SDC3: variants seen among roughly 807,000 people sequenced by gnomAD.
The protein encoded by SDC3 is syndecan 3.
A neutral mutation model predicts 24.4 loss-of-function variants in SDC3; 13 were observed. The observed-to-expected ratio is 0.53, with a 90% CI of 0.35 to 0.85. The LOEUF (loss-of-function observed/expected upper bound fraction) is 0.85. Ranked by LOEUF, SDC3 falls within the 40% of genes least tolerant of loss-of-function variation. SDC3 has a pLI of 0.01. For missense variants in SDC3, 571 were observed against 584.5 expected, an observed-to-expected ratio of 0.98 and a Z score of 0.24; for synonymous variants, 295 against 260.9, an observed-to-expected ratio of 1.13 and a Z score of -1.26.
intron 1 of SDC3, among the ~76,000 whole-genome samples, chr1:30,896,091 T>G (rs533177229): frequency 6.6e-6 from 1 of 152,144 alleles, no homozygotes; most frequent in Non-Finnish European, 1.5e-5. Flanking sequence ...CACTTTCCTC[T>G]TCTCCCAGTC....
At chr1:30,884,045 C>A (rs551519593) in intron 1 of SDC3, among the ~76,000 whole-genome samples, 1 of 152,260 alleles carries the variant, frequency 6.6e-6, no homozygotes, top group Admixed American at 6.5e-5. Context: ...AAGGGGGCTG[C>A]ACAATTGGGA....
At chr1:30,908,408 C>T in intron 1 of SDC3, 41 bp downstream of exon 1, 1 of 1,008,240 alleles carries the variant, frequency 9.9e-7, no homozygotes, top group Middle Eastern at 4.9e-4. Context: ...GGGGGGCGGC[C>T]CCGGGGAGCC....
At chr1:30,892,605 C>T (rs937083080) in intron 1 of SDC3, among the ~76,000 whole-genome samples, 1 of 152,194 alleles carries the variant, frequency 6.6e-6, no homozygotes, top group Non-Finnish European at 1.5e-5. Context: ...TCTTGTTCCC[C>T]AAACCCAGGA....
At chr1:30,904,430 G>T (rs991542657) in intron 1 of SDC3, among the ~76,000 whole-genome samples, 5 of 151,934 alleles carry the variant, frequency 3.3e-5, no homozygotes, top group Non-Finnish European at 7.4e-5. Flanking sequence ...GGGACCCTAT[G>T]CCCGCTTGTA....
At chr1:30,880,732 G>T (rs1285506914) in intron 1 of SDC3, 1 of 152,098 alleles carries the variant, frequency 6.6e-6, no homozygotes, top group African/African-American at 2.4e-5. Flanking sequence ...AGGGGACAGA[G>T]AAATAGGGGT....
At chr1:30,898,406 C>T (rs1638329234) in intron 1 of SDC3, among the ~76,000 whole-genome samples, 1 of 152,180 alleles carries the variant, frequency 6.6e-6, no homozygotes, top group Non-Finnish European at 1.5e-5. Context: ...TTCCTAATGT[C>T]AGGGACCAAG....
intron 1 of SDC3, among the ~76,000 whole-genome samples, chr1:30,903,828 T>C (rs1216221199): frequency 1.3e-5 from 2 of 152,252 alleles, no homozygotes; most frequent in African/African-American, 4.8e-5. Context: ...CCCAGTCCCA[T>C]TAGCCTGTCA....
Position 30,869,572 on chromosome 1 carries a change from A to C in SDC3, c.*3639T>G, listed in dbSNP as rs949844844. 2.5e-6 allele frequency: 1 copy of C among 397,032 alleles called. No homozygotes were observed. The highest frequency in any genetic ancestry group is 2.1e-5 in the African/African-American group (1 of 48,166). The allele number at this position is 397,032 out of a possible 1,614,324, so 24.6% of individuals were successfully genotyped here. ...AAAAAAAAAAAAAAACAAAAACAAA[A>C]CCAGTTCCTTCACAAGGCTGGAACA... On this transcript the variant is annotated 3_prime_UTR_variant, in exon 5 of 5. Transcript: ENST00000339394.
At chr1:30,880,988 T>C (rs1423731735) in intron 1 of SDC3, among the ~76,000 whole-genome samples, 1 of 137,432 alleles carries the variant, frequency 7.3e-6, no homozygotes, top group Non-Finnish European at 1.6e-5. Flanking sequence ...CCATGCCTGA[T>C]AGGAGGCTTC....
In SDC3 at chr1:30,878,384, C is replaced by T. The variant is rs556667717; in HGVS notation, c.256+239G>A. The T allele has an allele frequency of 2.8e-4, 130 of 466,064 alleles. 1 individual carries two copies. The highest frequency in any genetic ancestry group is 1.1e-3 in the Middle Eastern group (2 of 1,794). The allele number at this position is 466,064 out of a possible 1,614,324, so 28.9% of individuals were successfully genotyped here. A position where few individuals can be genotyped will look rare whatever the true frequency, so the allele number is the denominator to read the frequency against. ...CACATAGCACACACAAAGATGCAGA[C>T]GTGGGACCCTGGAGACCTGGACATT... On this transcript the variant is annotated intron_variant, in intron 2 of 4. Coordinates refer to ENST00000339394, the MANE Select transcript of SDC3 (RefSeq NM_014654.4).
upstream of SDC3, among the ~76,000 whole-genome samples, chr1:30,909,178 C>A (rs1011352390): frequency 6.6e-6 from 1 of 152,220 alleles, no homozygotes; most frequent in African/African-American, 2.4e-5. Flanking sequence ...GGACTCCCAT[C>A]GTCACCCTCA....
rs748470737 is a variant in SDC3 at position 30,876,951 on chromosome 1, G to A, written c.471C>T (p.Thr157=). The change falls in exon 3 of 5, where the codon ACC becomes ACT. Residue 157 remains threonine, a synonymous_variant. Transcript: ENST00000339394. ...TGGTAGCCATGGTAGTGGAGACGGTGGTGGCTCTCTGGCTGGGCTCTTCCG... is the reference window on the plus strand; with the variant it reads ...TGGTAGCCATGGTAGTGGAGACGGTAGTGGCTCTCTGGCTGGGCTCTTCCG... ...EVPEEPSQRA[T]TVSTTMATTA... 1 of 1,613,806 alleles carries A rather than the reference G, an allele frequency of 6.2e-7. No homozygotes were observed. Among genetic ancestry groups the A allele is most frequent in the Admixed American group, 1.7e-5 (1 of 60,024 alleles).
At chr1:30,894,650 G>GC (rs1639973424) in intron 1 of SDC3, among the ~76,000 whole-genome samples, 9 of 29,380 alleles carry the variant, frequency 3.1e-4, no homozygotes, top group Non-Finnish European at 4.6e-4. Context: ...TGTGTGTGGG[G>GC]TGTGTGTGGG....
At chr1:30,883,873 T>C (rs1459316829) in intron 1 of SDC3, among the ~76,000 whole-genome samples, 1 of 151,302 alleles carries the variant, frequency 6.6e-6, no homozygotes, top group Non-Finnish European at 1.5e-5. Context: ...GGAGGGAGGG[T>C]GTCTCAGCAT....
At chr1:30,908,022 G>T (rs1638562611) in intron 1 of SDC3, among the ~76,000 whole-genome samples, 1 of 152,182 alleles carries the variant, frequency 6.6e-6, no homozygotes. Flanking sequence ...CCAGCCCGCC[G>T]CCGGGTCCTT....
rs41269521 is a variant in SDC3 at position 30,876,795 on chromosome 1, C to T, written c.627G>A (p.Arg209=). Residue 209 remains arginine, a synonymous_variant, in exon 3 of 5, where the codon CGG becomes CGA. Coordinates refer to ENST00000339394, the MANE Select transcript of SDC3 (RefSeq NM_014654.4). ...TGGTCAGTGGGAGAGGCAGAAGCCT[C>T]CGTACGCCAGTGGTCCTTATAACAG... ...TTAVIRTTGV[R]RLLPLPLTTV... 56,254 of 1,598,864 alleles carry T rather than the reference C, an allele frequency of 0.035. 1,186 individuals carry two copies. Among genetic ancestry groups the T allele is most frequent in the Middle Eastern group, 0.047 (277 of 5,950 alleles).
chr1:30,876,991 A>G lies in SDC3; in HGVS notation c.431T>C (p.Val144Ala), dbSNP rs772909989. 3.0e-5 allele frequency: 49 copies of G among 1,613,544 alleles called. No individual in the cohort carries two copies. Among genetic ancestry groups the G allele is most frequent in the Non-Finnish European group, 2.5e-6 (3 of 1,179,914 alleles). The stretch of plus-strand genomic sequence containing the variant: ...GGGCTCTTCCGGGACTTCTGTCACC[A>G]CCAGGGGGCTGGTGGCTGGCTCCAG... ...PTLEPATSPL[V>A]VTEVPEEPSQ... The change falls in exon 3 of 5, where the codon GTG (valine) becomes GCG (alanine). Residue 144 changes from valine to alanine, a missense_variant. By Grantham distance (64) the Val-to-Ala change is moderately conservative. Coordinates refer to ENST00000339394, the MANE Select transcript of SDC3 (RefSeq NM_014654.4).
chr1:30,899,461 G>A (rs912478080), intron 1 of SDC3, among the ~76,000 whole-genome samples: 3 of 152,052 alleles, frequency 2.0e-5, no homozygotes, highest in African/African-American at 2.4e-5. Context: ...TGCAACCTCC[G>A]CCTCCCGGGT....
At chr1:30,874,619 A>G (rs202092476) in intron 3 of SDC3, 31 bp from the exon 4 acceptor site, 1 of 1,601,960 alleles carries the variant, frequency 6.2e-7, no homozygotes, top group Non-Finnish European at 8.5e-7. Flanking sequence ...GCCCAGGACA[A>G]CCACACATGC....
Sources: allele counts gnomAD v4.1 joint callset (sites outside exome capture counted in the v4.1 genomes callset), GRCh38; gene constraint gnomAD v4.1.1; transcripts MANE v1.5; gene names NCBI Gene and HGNC (gene_info 2026-07-23, HGNC 2026-07-21).